The following MYO18B variants were observed in gnomAD, a reference collection of about 807,000 sequenced individuals.
The protein encoded by MYO18B is myosin XVIIIB.
In MYO18B, 204 loss-of-function variants were observed where a neutral mutation model predicts 273.0. That is an observed-to-expected ratio of 0.75 (90% CI 0.67 to 0.84). The LOEUF (loss-of-function observed/expected upper bound fraction) is 0.84, where lower values mean the gene tolerates loss of function less well. MYO18B is among the 40% of genes least tolerant of loss of function. MYO18B has a pLI of 0.00. For missense variants in MYO18B, 3,212 were observed against 3,287.6 expected, an observed-to-expected ratio of 0.98 and a Z score of 0.56; for synonymous variants, 1,330 against 1,305.7, an observed-to-expected ratio of 1.02 and a Z score of -0.40.
intron 17 of MYO18B, among the ~76,000 whole-genome samples, chr22:25,836,125 G>C (rs1215206553): frequency 6.6e-6 from 1 of 152,144 alleles, no homozygotes; most frequent in African/African-American, 2.4e-5. Context: ...TTGGTGGAAG[G>C]GGGAGCAAGA....
At chr22:26,003,857 G>A (rs1449549394) in intron 41 of MYO18B, among the ~76,000 whole-genome samples, 3 of 151,970 alleles carry the variant, frequency 2.0e-5, no homozygotes, top group Admixed American at 2.0e-4. Context: ...CTTTATAGAG[G>A]CACAGAGGGT....
chr22:26,044,077 C>G, the MYO18B span, among the ~76,000 whole-genome samples: 1 of 152,250 alleles, frequency 6.6e-6, no homozygotes, highest in African/African-American at 2.4e-5. Flanking sequence ...TGGCATTTTT[C>G]TAATAACTAA....
chr22:25,933,089 A>G (rs930696621), intron 34 of MYO18B, among the ~76,000 whole-genome samples: 1 of 152,008 alleles, frequency 6.6e-6, no homozygotes, highest in Non-Finnish European at 1.5e-5. Flanking sequence ...GTCTTTTTTT[A>G]TGATACTGAC....
intron 11 of MYO18B, among the ~76,000 whole-genome samples, chr22:25,786,444 T>A (rs762322412): frequency 1.3e-5 from 2 of 149,742 alleles, no homozygotes; most frequent in African/African-American, 2.5e-5. Flanking sequence ...TTTTCAAATA[T>A]ACATGTCTGG....
intron 10 of MYO18B, among the ~76,000 whole-genome samples, chr22:25,782,718 A>C (rs922756535): frequency 6.6e-6 from 1 of 152,194 alleles, no homozygotes; most frequent in Non-Finnish European, 1.5e-5. Context: ...CCCCATCTGA[A>C]GGACAGCCTC....
chr22:25,804,933 C>T (rs1178797142), intron 12 of MYO18B, among the ~76,000 whole-genome samples: 6 of 152,158 alleles, frequency 3.9e-5, no homozygotes, highest in African/African-American at 7.2e-5. Flanking sequence ...GTCCATGCTG[C>T]GCAAAAGGTG....
Position 25,792,383 on chromosome 22 carries a change from C to T in MYO18B, c.2377-5570C>T, listed in dbSNP as rs375106631. ...AGTGGATTGGTGAGATGCTGAGCGA[C>T]GGGTAGGGCAGCTCCTGGCTGTGGA... On this transcript the variant is annotated intron_variant, in intron 11 of 43. Transcript: ENST00000335473. 1.7e-3 allele frequency among the ~76,000 whole-genome samples: 264 copies of T among 151,694 alleles called. 9 individuals carry two copies. The South Asian group carries it at 0.043, about 25-fold the overall frequency.
intron 1 of MYO18B, among the ~76,000 whole-genome samples, chr22:25,758,276 G>A (rs569493316): frequency 1.3e-5 from 2 of 151,380 alleles, no homozygotes; most frequent in East Asian, 1.9e-4. Flanking sequence ...CCTCCCAAAA[G>A]GTTGGGATTA....
intron 34 of MYO18B, among the ~76,000 whole-genome samples, chr22:25,931,886 G>A (rs1011817424): frequency 6.7e-6 from 1 of 149,656 alleles, no homozygotes; most frequent in African/African-American, 2.5e-5. Flanking sequence ...ATCATGTCCA[G>A]CTAATTTTTG....
intron 14 of MYO18B, among the ~76,000 whole-genome samples, chr22:25,828,509 AT>A (rs769541770): frequency 6.4e-3 from 911 of 142,662 alleles, no homozygotes; most frequent in Middle Eastern, 7.0e-3. Flanking sequence ...TAAGCTAGTC[AT>A]TTTTTTTTTT....
chr22:25,972,777 G>A (rs1211826304), intron 39 of MYO18B, among the ~76,000 whole-genome samples: 3 of 152,194 alleles, frequency 2.0e-5, no homozygotes, highest in Middle Eastern at 3.4e-3. Context: ...CCAACATGGC[G>A]AAACCCCTTC....
chr22:25,846,229 C>A lies in MYO18B; in HGVS notation c.3498C>A (p.Ser1166Arg). Residue 1166 changes from serine (S) to arginine (R), a missense_variant, in exon 19 of 44, where the codon AGC (serine) becomes AGA (arginine). By Grantham distance (110) the Ser-to-Arg change is moderately radical (BLOSUM62 -1). Coordinates refer to ENST00000335473, the MANE Select transcript of MYO18B (RefSeq NM_032608.7). Reference sequence around the variant, plus strand: ...GCATGGTGAGGAGGACCTTTGCCAGCAGCCTTGCCGCGGTGAGGAGGAAAG... The same window carrying A: ...GCATGGTGAGGAGGACCTTTGCCAGAAGCCTTGCCGCGGTGAGGAGGAAAG... Reference protein sequence around the residue: ...RSRMVRRTFASSLAAVRRKAP... With the variant: ...RSRMVRRTFARSLAAVRRKAP... The A allele has an allele frequency of 6.2e-7, 1 of 1,612,404 alleles. No individual in the cohort carries two copies. Among genetic ancestry groups the A allele is most frequent in the East Asian group, 2.2e-5 (1 of 44,878 alleles).
At chr22:25,954,878 A>G (rs1206658190) in intron 38 of MYO18B, among the ~76,000 whole-genome samples, 2 of 151,918 alleles carry the variant, frequency 1.3e-5, no homozygotes, top group Non-Finnish European at 2.9e-5. Flanking sequence ...CGCCCGGCTA[A>G]TTTTTGTATT....
At chr22:25,914,987 G>A (rs1601562311) in intron 33 of MYO18B, among the ~76,000 whole-genome samples, 2 of 151,350 alleles carry the variant, frequency 1.3e-5, no homozygotes, top group Admixed American at 6.6e-5. Flanking sequence ...ATGAAACACC[G>A]CGCCCGGCCA....
chr22:25,962,844 A>T (rs1258735953), intron 39 of MYO18B, among the ~76,000 whole-genome samples: 1 of 152,174 alleles, frequency 6.6e-6, no homozygotes, highest in Non-Finnish European at 1.5e-5. Flanking sequence ...TCTCACTTGC[A>T]TTCAGCAAGT....
intron 22 of MYO18B, among the ~76,000 whole-genome samples, chr22:25,871,753 G>C (rs1482920534): frequency 6.6e-6 from 1 of 152,112 alleles, no homozygotes; most frequent in Non-Finnish European, 1.5e-5. Flanking sequence ...CGTGCAGTCG[G>C]CCTTCTGGTC....
chr22:25,850,448 A>G (rs1479997742), intron 20 of MYO18B, among the ~76,000 whole-genome samples: 3 of 152,108 alleles, frequency 2.0e-5, no homozygotes, highest in Non-Finnish European at 4.4e-5. Flanking sequence ...CTGGGGCTCA[A>G]TTTCCCCTTT....
intron 40 of MYO18B, among the ~76,000 whole-genome samples, chr22:25,995,417 A>G (rs1397326748): frequency 6.6e-6 from 1 of 152,214 alleles, no homozygotes; most frequent in African/African-American, 2.4e-5. Flanking sequence ...TGTTTGTAAC[A>G]CAAAGGATAA....
chr22:25,903,693 G>A lies in MYO18B; in HGVS notation c.5010G>A (p.Arg1670=), dbSNP rs1263631973. The A allele has an allele frequency of 3.7e-6, 6 of 1,609,676 alleles. No individual in the cohort carries two copies. The highest frequency in any genetic ancestry group is 3.4e-6 in the Non-Finnish European group (4 of 1,178,046). ...QQVEMLQDHK[R]ELLGSPSLGE... Reference sequence around the variant, plus strand: ...TGGAGATGCTACAGGACCATAAACGGGAGCTGCTGGGGTCACCCTCTCTGG... The same window carrying A: ...TGGAGATGCTACAGGACCATAAACGAGAGCTGCTGGGGTCACCCTCTCTGG... The change falls in exon 31 of 44, where the codon CGG becomes CGA. Residue 1670 remains arginine, a synonymous_variant. Coordinates refer to ENST00000335473, the MANE Select transcript of MYO18B (RefSeq NM_032608.7).
Sources: gnomAD v4.1 joint callset for allele counts (sites outside exome capture counted in the v4.1 genomes callset) on GRCh38, gnomAD v4.1.1 for gene constraint, MANE v1.5 for transcripts, NCBI Gene and HGNC (gene_info 2026-07-23, HGNC 2026-07-21) for gene names.